MATR3: variants seen among roughly 807,000 people sequenced by gnomAD.
The protein encoded by MATR3 is matrin 3, also known as matrin-3.
A neutral mutation model predicts 85.5 loss-of-function variants in MATR3; 4 were observed. That is an observed-to-expected ratio of 0.05 (90% CI 0.02 to 0.11). The LOEUF is 0.11. MATR3 is among the 10% of genes least tolerant of loss of function. The pLI, the probability that MATR3 is intolerant of heterozygous loss-of-function variation, is 1.00. For missense variants in MATR3, 685 were observed against 1,016.1 expected (o/e 0.67, Z 4.43); for synonymous variants, 336 against 343.1 (o/e 0.98, Z 0.23).
intron 7 of MATR3, 107 bp downstream of exon 7, chr5:139,317,828 A>G (rs1299642659): frequency 2.7e-6 from 3 of 1,131,116 alleles, no homozygotes; most frequent in Non-Finnish European, 3.8e-6. Flanking sequence ...GGTAATCTTA[A>G]GTTTATCAAA....
intron 14 of MATR3, among the ~76,000 whole-genome samples, chr5:139,327,716 C>T (rs186613000): frequency 7.2e-5 from 11 of 152,194 alleles, no homozygotes; most frequent in East Asian, 5.8e-4. Flanking sequence ...CCATAGTGCC[C>T]GCCCTGGTAC....
Position 139,331,672 on chromosome 5 carries a change from C to A in MATR3, c.*2277C>A, listed in dbSNP as rs765314058. Reference sequence around the variant, plus strand: ...AAAGTGAATGAAACTTCTAGAAGTACCTTGAGTTTGTTTTACAGTTCTTTT... The same window carrying A: ...AAAGTGAATGAAACTTCTAGAAGTAACTTGAGTTTGTTTTACAGTTCTTTT... On this transcript the variant is annotated 3_prime_UTR_variant, in exon 15 of 15. Transcript: ENST00000394805. 2.3e-6 allele frequency: 1 copy of A among 438,160 alleles called. No individual in the cohort carries two copies. Among genetic ancestry groups the A allele is most frequent in the South Asian group, 1.6e-5 (1 of 60,800 alleles). The allele number at this position is 438,160 out of a possible 1,614,324, so 27.1% of individuals were successfully genotyped here. A position where few individuals can be genotyped will look rare whatever the true frequency, so the allele number is the denominator to read the frequency against.
In MATR3 at chr5:139,331,636, A is replaced by G. The variant is rs886060006; in HGVS notation, c.*2241A>G. The G allele has an allele frequency of 1.8e-5, 8 of 452,636 alleles. No individual in the cohort carries two copies. The highest frequency in any genetic ancestry group is 3.5e-5 in the Non-Finnish European group (8 of 226,362). The allele number at this position is 452,636 out of a possible 1,614,324, so 28.0% of individuals were successfully genotyped here. On this transcript the variant is annotated 3_prime_UTR_variant, in exon 15 of 15. Transcript: ENST00000394805. ...ATGTCAGCCCTTAGTTTAATCTTAC[A>G]TTATCCTACAAAAGTGAATGAAACT...
At chr5:139,319,947 T>G (rs1422714814) in intron 9 of MATR3, among the ~76,000 whole-genome samples, 1 of 143,920 alleles carries the variant, frequency 6.9e-6, no homozygotes, top group Non-Finnish European at 1.5e-5. Flanking sequence ...GCTTTTCTTT[T>G]CTTTTTTTTT....
At chr5:139,280,372 T>G (rs1753470138) in intron 3 of MATR3, among the ~76,000 whole-genome samples, 1 of 152,226 alleles carries the variant, frequency 6.6e-6, no homozygotes, top group African/African-American at 2.4e-5. Context: ...GAACAGCTCA[T>G]TAGTGACAGG....
At chr5:139,316,492 C>T (rs576215620) in intron 5 of MATR3, among the ~76,000 whole-genome samples, 2 of 152,130 alleles carry the variant, frequency 1.3e-5, no homozygotes, top group African/African-American at 2.4e-5. Context: ...GTGGACTACC[C>T]GCCTCAGCCT....
At chr5:139,275,056 A>G (rs984032390) in intron 1 of MATR3, among the ~76,000 whole-genome samples, 11 of 145,698 alleles carry the variant, frequency 7.5e-5, no homozygotes, top group Non-Finnish European at 1.0e-4. Flanking sequence ...GCTCACTGCA[A>G]CCTCCGCCTC....
intron 3 of MATR3, chr5:139,283,668 C>G (rs1337549621): frequency 6.6e-6 from 1 of 152,248 alleles, no homozygotes; most frequent in Non-Finnish European, 1.5e-5. Flanking sequence ...ATGGCTTTTA[C>G]TAACTGAACT....
intron 2 of MATR3, chr5:139,313,703 A>G (rs2151977847): frequency 6.6e-6 from 1 of 152,320 alleles, no homozygotes; most frequent in Admixed American, 6.5e-5. Flanking sequence ...GGCACTCCTT[A>G]AATTTGCTTA....
chr5:139,320,700 A>T (rs1410161191), intron 9 of MATR3, among the ~76,000 whole-genome samples: 1 of 149,020 alleles, frequency 6.7e-6, no homozygotes, highest in Non-Finnish European at 1.5e-5. Flanking sequence ...GTTCTTCCAG[A>T]CTTTTATTTT....
At chr5:139,283,963 A>G (rs1402654944) in intron 3 of MATR3, among the ~76,000 whole-genome samples, 3 of 152,302 alleles carry the variant, frequency 2.0e-5, no homozygotes, top group African/African-American at 7.2e-5. Context: ...GCAACCCATT[A>G]TATGTGTCAT....
intron 3 of MATR3, among the ~76,000 whole-genome samples, chr5:139,281,089 G>A (rs1753501698): frequency 1.3e-5 from 2 of 152,160 alleles, no homozygotes; most frequent in South Asian, 4.1e-4. Context: ...ACAGCTCACT[G>A]CACCCTTGAC....
rs1264021549 is a variant in MATR3 at position 139,329,951 on chromosome 5, G to A, written c.*556G>A. On this transcript the variant is annotated 3_prime_UTR_variant, in exon 15 of 15. Coordinates refer to ENST00000394805, the MANE Select transcript of MATR3 (RefSeq NM_018834.6). ...CTGTTAATGTCATGCTGTTGTTTAG[G>A]TAATAAGAAATATTAAGTAATTGGC... 2.2e-6 allele frequency: 1 copy of A among 454,118 alleles called. No homozygotes were observed. Among genetic ancestry groups the A allele is most frequent in the Non-Finnish European group, 4.4e-6 (1 of 226,706 alleles). The allele number at this position is 454,118 out of a possible 1,614,324, so 28.1% of individuals were successfully genotyped here.
rs750841386 is a variant in MATR3, at chr5:139,275,142, A to ATTTT, written c.-286-954_-286-951dup. 5.7e-3 allele frequency among the ~76,000 whole-genome samples: 234 copies of ATTTT among 40,896 alleles called. 15 individuals carry two copies. Among genetic ancestry groups the ATTTT allele is most frequent in the African/African-American group, 9.9e-3 (105 of 10,654 alleles). The allele number at this position is 40,896 out of a possible 152,430, so 26.8% of individuals were successfully genotyped here. A position where few individuals can be genotyped will look rare whatever the true frequency, so the allele number is the denominator to read the frequency against. On this transcript the variant is annotated intron_variant, in intron 1 of 16. Coordinates refer to ENST00000509990, the Ensembl canonical transcript of MATR3. ...AGGTGCCCGCCACCACGCCCGGCTAATTTTTTTTTTTTTTTTTTTTTTTTT... is the reference window on the plus strand; with the variant it reads ...AGGTGCCCGCCACCACGCCCGGCTAATTTTTTTTTTTTTTTTTTTTTTTTTTTTT...
chr5:139,329,526 A>G lies in MATR3; in HGVS notation c.*131A>G. On this transcript the variant is annotated 3_prime_UTR_variant, in exon 15 of 15. Coordinates refer to ENST00000394805, the MANE Select transcript of MATR3 (RefSeq NM_018834.6). The stretch of plus-strand genomic sequence containing the variant: ...TCTTTTGTTTTAGTGGAGAAATAAT[A>G]GATGTCTGTTCATGTGTTAAGTGTT... 1 of 763,568 alleles carries G rather than the reference A, an allele frequency of 1.3e-6. No homozygotes were observed. The highest frequency in any genetic ancestry group is 2.2e-6 in the Non-Finnish European group (1 of 447,374). 47.3% of individuals were successfully genotyped at this position (763,568 alleles called of 1,614,324 possible).
upstream of MATR3, among the ~76,000 whole-genome samples, chr5:139,290,123 T>G (rs1217257148): frequency 6.6e-6 from 1 of 152,152 alleles, no homozygotes; most frequent in Non-Finnish European, 1.5e-5. Context: ...TATACTTGAT[T>G]AAAGTTCCTC....
chr5:139,312,983 C>T (rs1333702478), intron 2 of MATR3: 1 of 150,946 alleles, frequency 6.6e-6, no homozygotes, highest in Non-Finnish European at 1.5e-5. Context: ...TTTACTAGAG[C>T]ATAGGAATGT....
At chr5:139,293,827 G>A (rs1376316229) in intron 1 of MATR3, 22 bp downstream of exon 1, 3 of 423,164 alleles carry the variant, frequency 7.1e-6, no homozygotes, top group African/African-American at 2.0e-5. Context: ...GCGGGTAAGA[G>A]TCGGGGTCGG....
chr5:139,318,750 T>C (rs1755387971), intron 7 of MATR3, among the ~76,000 whole-genome samples, 158 bp from the exon 8 acceptor site: 1 of 152,272 alleles, frequency 6.6e-6, no homozygotes. Flanking sequence ...CAGCCTCTTT[T>C]GTTTTGTATT....
Sources: allele counts gnomAD v4.1 joint callset (sites outside exome capture counted in the v4.1 genomes callset), GRCh38; gene constraint gnomAD v4.1.1; transcripts MANE v1.5; gene names NCBI Gene and HGNC (gene_info 2026-07-23, HGNC 2026-07-21).